Variants in CENPC observed in about 807,000 individuals in gnomAD.
CENPC encodes CENP-C 1.
In CENPC, 63 loss-of-function variants were observed where a neutral mutation model predicts 112.1. The ratio of observed to expected loss-of-function variants is 0.56; its 90% CI spans 0.46 to 0.69. The LOEUF is 0.69. Ranked by LOEUF, CENPC falls within the 30% of genes least tolerant of loss-of-function variation. The pLI is 0.00. For synonymous variants in CENPC, 333 were observed against 367.6 expected (o/e 0.91, Z 1.08); for missense variants, 1,000 against 1,103.8 (o/e 0.91, Z 1.33).
intron 12 of CENPC, among the ~76,000 whole-genome samples, chr4:67,499,072 T>C (rs1264252623): frequency 6.6e-6 from 1 of 152,230 alleles, no homozygotes; most frequent in African/African-American, 2.4e-5. Context: ...TTAGAGCTGC[T>C]GGGTGGCCTG....
intron 13 of CENPC, 27 bp from the exon 14 acceptor site, chr4:67,494,015 T>C (rs1229744398): frequency 1.4e-6 from 2 of 1,479,486 alleles, no homozygotes; most frequent in African/African-American, 1.4e-5. Flanking sequence ...GACAAAAGTG[T>C]ATACATAGTT....
rs1424155533 is a variant in CENPC, at chr4:67,514,402, T to C, written c.1116A>G (p.Thr372=). 4 of 1,613,552 alleles carry C rather than the reference T, an allele frequency of 2.5e-6. No individual in the cohort carries two copies. The highest frequency in any genetic ancestry group is 2.7e-5 in the African/African-American group (2 of 74,938). ...GTACTGTTTTATCAGAGGGCTGAGA[T>C]GTCTCTACTGGGTGAGGTTTATGGG... ...KHSHKPHPVE[T]SQPSDKTVLD... is the part of the protein sequence containing the mutation. Residue 372 remains threonine (T), a synonymous_variant, in exon 8 of 19, where the codon ACA becomes ACG. Transcript: ENST00000273853.
At chr4:67,537,951 T>C (rs1405654373) in intron 4 of CENPC, among the ~76,000 whole-genome samples, 2 of 152,114 alleles carry the variant, frequency 1.3e-5, no homozygotes, top group Non-Finnish European at 2.9e-5. Context: ...GTCATGGCAC[T>C]CCATCCTGGG....
Position 67,512,586 on chromosome 4 carries a change from C to G in CENPC, c.1445-17G>C. On this transcript the variant is annotated splice_polypyrimidine_tract_variant and intron_variant, in intron 8 of 18. Transcript: ENST00000273853. The stretch of plus-strand genomic sequence containing the variant: ...TCTTGCTTCCTAAAATAAAGAAAAC[C>G]ATAAAACCAATTCACAATCTACTAA... 1 of 1,477,066 alleles carries G rather than the reference C, an allele frequency of 6.8e-7. No individual in the cohort carries two copies. The highest frequency in any genetic ancestry group is 1.4e-5 in the South Asian group (1 of 70,634). 91.5% of individuals were successfully genotyped at this position (1,477,066 alleles called of 1,614,324 possible). A position where few individuals can be genotyped will look rare whatever the true frequency, so the allele number is the denominator to read the frequency against.
intron 17 of CENPC, among the ~76,000 whole-genome samples, chr4:67,478,627 AAAAC>A (rs1359163998): frequency 9.4e-6 from 1 of 106,786 alleles, no homozygotes; most frequent in Non-Finnish European, 2.1e-5. Context: ...CAGGGTCTAT[AAAAC>A]ACACACACAC....
chr4:67,473,831 C>A (rs2109756405), intron 18 of CENPC, among the ~76,000 whole-genome samples: 1 of 152,234 alleles, frequency 6.6e-6, no homozygotes, highest in East Asian at 1.9e-4. Flanking sequence ...AGGTGTGAGC[C>A]ACTGCACCTG....
At position 67,474,933 on chromosome 4, in the gene CENPC, T is replaced by G; in HGVS notation, c.2716A>C (p.Thr906Pro). 1 of 1,582,818 alleles carries G rather than the reference T, an allele frequency of 6.3e-7. No individual in the cohort carries two copies. The highest frequency in any genetic ancestry group is 8.6e-7 in the Non-Finnish European group (1 of 1,161,822). The change falls in exon 18 of 19, where the codon ACA (threonine) becomes CCA (proline). Residue 906 changes from threonine (T) to proline (P), a missense_variant. Transcript: ENST00000273853. ...TCCCCAGTACTTAATATATAAGGTG[T>G]TTCATGTAAAGTACACAAAAGGTCA... ...FGDLLCTLHETPYILSTGDSF... is the reference protein window; with the variant it reads ...FGDLLCTLHEPPYILSTGDSF...
intron 12 of CENPC, among the ~76,000 whole-genome samples, chr4:67,504,167 A>C (rs1418209324): frequency 6.6e-6 from 1 of 151,812 alleles, no homozygotes; most frequent in Non-Finnish European, 1.5e-5. Context: ...GACCCTGGAG[A>C]CCAAGCTCTT....
In CENPC at chr4:67,518,369, C is replaced by T; in HGVS notation, c.618-1G>A. The T allele has an allele frequency of 6.6e-7, 1 of 1,520,100 alleles. No homozygotes were observed. Among genetic ancestry groups the T allele is most frequent in the Non-Finnish European group, 8.8e-7 (1 of 1,138,332 alleles). The allele number at this position is 1,520,100 out of a possible 1,614,324, so 94.2% of individuals were successfully genotyped here. ...CATAACTTTATCATCAAAGTTTAAC[C>T]TAAAAGGTTAAAAGGAGGGTAAGCT... On this transcript the variant is annotated splice_acceptor_variant, in intron 6 of 18. Coordinates refer to ENST00000273853, the MANE Select transcript of CENPC (RefSeq NM_001812.4). LOFTEE classifies it high-confidence loss of function.
At chr4:67,504,890 C>T (rs1412173671) in intron 12 of CENPC, 9 of 269,202 alleles carry the variant, frequency 3.3e-5, no homozygotes, top group Non-Finnish European at 6.2e-5. Flanking sequence ...CCCAATACAA[C>T]CATCAACCAG....
chr4:67,476,832 C>T (rs1360155687), intron 17 of CENPC, among the ~76,000 whole-genome samples: 1 of 152,158 alleles, frequency 6.6e-6, no homozygotes, highest in East Asian at 1.9e-4. Context: ...TTTGGTGGGG[C>T]ACAGTAGGAG....
chr4:67,538,082 T>C (rs1438119001), intron 4 of CENPC, among the ~76,000 whole-genome samples: 1 of 152,142 alleles, frequency 6.6e-6, no homozygotes, highest in Non-Finnish European at 1.5e-5. Flanking sequence ...GAAACAATAG[T>C]GGTTCATAAA....
At chr4:67,545,246 C>T in intron 1 of CENPC, 92 bp downstream of exon 1, 1 of 1,283,338 alleles carries the variant, frequency 7.8e-7, no homozygotes. Context: ...AGATCACAGC[C>T]TCAGCCTAGC....
At chr4:67,504,149 AG>A (rs1725671311) in intron 12 of CENPC, among the ~76,000 whole-genome samples, 1 of 149,896 alleles carries the variant, frequency 6.7e-6, no homozygotes, top group Non-Finnish European at 1.5e-5. Flanking sequence ...AACCAATCCC[AG>A]GTCCATGACC....
chr4:67,520,566 TGAA>T (rs1726195811), intron 5 of CENPC, among the ~76,000 whole-genome samples: 1 of 151,960 alleles, frequency 6.6e-6, no homozygotes, highest in South Asian at 2.1e-4. Context: ...CCCACACAAG[TGAA>T]CATGGACATC....
intron 11 of CENPC, 58 bp downstream of exon 11, chr4:67,506,730 G>A (rs953770882): frequency 7.6e-7 from 1 of 1,318,292 alleles, no homozygotes; most frequent in Non-Finnish European, 1.0e-6. Context: ...TGGGTAATCT[G>A]TTATACAGCA....
chr4:67,480,104 G>A (rs1302240329), intron 17 of CENPC, among the ~76,000 whole-genome samples: 4 of 152,212 alleles, frequency 2.6e-5, no homozygotes, highest in African/African-American at 4.8e-5. Context: ...TGGATTGCCT[G>A]GGGTCAGGAG....
intron 5 of CENPC, among the ~76,000 whole-genome samples, chr4:67,529,911 T>C (rs1200410283): frequency 6.6e-6 from 1 of 151,970 alleles, no homozygotes. Context: ...ATATCAAAAT[T>C]CAAAAGTATG....
At chr4:67,503,596 A>G (rs1482133014) in intron 12 of CENPC, among the ~76,000 whole-genome samples, 2 of 152,172 alleles carry the variant, frequency 1.3e-5, no homozygotes, top group African/African-American at 4.8e-5. Flanking sequence ...AATAATAAGT[A>G]AATATTCCAT....
Sources: gnomAD v4.1 joint callset for allele counts (sites outside exome capture counted in the v4.1 genomes callset) on GRCh38, gnomAD v4.1.1 for gene constraint, MANE v1.5 for transcripts, NCBI Gene and HGNC (gene_info 2026-07-23, HGNC 2026-07-21) for gene names.